Variants in KLHL32 observed in about 807,000 individuals in gnomAD.
The protein encoded by KLHL32 is kelch-like protein 32.
Under a neutral mutation model 64.8 loss-of-function variants are expected in KLHL32, and 35 were observed. The observed-to-expected ratio is 0.54, with a 90% CI of 0.41 to 0.72. The LOEUF (loss-of-function observed/expected upper bound fraction) is 0.72, where lower values mean the gene tolerates loss of function less well. KLHL32 is among the 30% of genes least tolerant of loss of function. The pLI is 0.00. For synonymous variants in KLHL32, 259 were observed against 281.0 expected, an observed-to-expected ratio of 0.92 and a Z score of 0.78; for missense variants, 589 against 768.5, an observed-to-expected ratio of 0.77 and a Z score of 2.76.
chr6:96,954,475 T>C (rs1194389106), intron 1 of KLHL32, among the ~76,000 whole-genome samples: 2 of 152,182 alleles, frequency 1.3e-5, no homozygotes, highest in African/African-American at 4.8e-5. Context: ...GTGATCTGGT[T>C]GAGCCATTTA....
chr6:97,004,517 A>C (rs1779422795), intron 3 of KLHL32, among the ~76,000 whole-genome samples: 1 of 152,058 alleles, frequency 6.6e-6, no homozygotes, highest in Non-Finnish European at 1.5e-5. Flanking sequence ...TGCTGTGTTG[A>C]ATAGGAGTGG....
intron 1 of KLHL32, among the ~76,000 whole-genome samples, chr6:96,950,445 T>C (rs1412109898): frequency 6.6e-6 from 1 of 151,926 alleles, no homozygotes; most frequent in Non-Finnish European, 1.5e-5. Flanking sequence ...ACCTTACATC[T>C]CTTTTTAAAA....
At chr6:96,965,915 A>C (rs945712902) in intron 1 of KLHL32, among the ~76,000 whole-genome samples, 1 of 152,240 alleles carries the variant, frequency 6.6e-6, no homozygotes, top group African/African-American at 2.4e-5. Flanking sequence ...AAAAATGTTC[A>C]AAGCAACTCA....
chr6:97,134,445 A>G (rs1178860599), intron 10 of KLHL32, among the ~76,000 whole-genome samples: 1 of 152,140 alleles, frequency 6.6e-6, no homozygotes, highest in Non-Finnish European at 1.5e-5. Flanking sequence ...TCTTCATCCA[A>G]GCATGTATTT....
chr6:96,940,072 A>C (rs1238902489), intron 1 of KLHL32, among the ~76,000 whole-genome samples: 1 of 152,162 alleles, frequency 6.6e-6, no homozygotes, highest in Non-Finnish European at 1.5e-5. Flanking sequence ...GCAAGTGCGA[A>C]GGTAACATTC....
At chr6:96,909,244 G>A in the KLHL32 span, among the ~76,000 whole-genome samples, 151,450 of 152,306 alleles carry the variant, frequency 0.99, 75,308 homozygotes, top group Middle Eastern at 1. Flanking sequence ...GGAAGTGAGG[G>A]TGGTAGAGAT....
At chr6:97,025,107 A>G in intron 3 of KLHL32, 2 of 985,338 alleles carry the variant, frequency 2.0e-6, no homozygotes, top group Non-Finnish European at 2.4e-6. Flanking sequence ...CAGATGTTTT[A>G]CAAAAGAGGA....
intron 4 of KLHL32, among the ~76,000 whole-genome samples, chr6:97,060,046 G>A (rs1788619303): frequency 6.6e-6 from 1 of 152,160 alleles, no homozygotes; most frequent in Non-Finnish European, 1.5e-5. Flanking sequence ...GTGCACACAT[G>A]GTATGTGTGT....
chr6:96,956,356 A>G (rs1773279302), intron 1 of KLHL32, among the ~76,000 whole-genome samples: 1 of 152,238 alleles, frequency 6.6e-6, no homozygotes, highest in African/African-American at 2.4e-5. Flanking sequence ...AGGTCACATA[A>G]GCACTATTGG....
At chr6:97,093,559 A>G (rs911914147) in intron 6 of KLHL32, among the ~76,000 whole-genome samples, 16 of 152,208 alleles carry the variant, frequency 1.1e-4, no homozygotes, top group African/African-American at 3.9e-4. Context: ...TTACTCTGTA[A>G]TGAGTGAGCC....
In KLHL32 at chr6:96,973,730, C is replaced by CTCTTTTTTTTTTTTTTTTTTTTT. The variant is rs1554208428; in HGVS notation, c.24-2266_24-2265insCTTTTTTTTTTTTTTTTTTTTTT. ...GATTTTTGAGATCTTTACAGATTGC[C>CTCTTTTTTTTTTTTTTTTTTTTT]TTTTTTTTTTTAGACAGAGTCTCGC... On this transcript the variant is annotated intron_variant, in intron 2 of 10. Coordinates refer to ENST00000369261, the MANE Select transcript of KLHL32 (RefSeq NM_052904.4). Among the ~76,000 whole-genome samples, 12 of 118,244 alleles carry CTCTTTTTTTTTTTTTTTTTTTTT rather than the reference C, an allele frequency of 1.0e-4. 1 individual carries two copies. The highest frequency in any genetic ancestry group is 3.9e-4 in the African/African-American group (12 of 30,728). 77.6% of individuals were successfully genotyped at this position (118,244 alleles called of 152,430 possible).
intron 1 of KLHL32, among the ~76,000 whole-genome samples, chr6:96,966,071 C>T (rs1290821854): frequency 6.6e-6 from 1 of 152,124 alleles, no homozygotes; most frequent in African/African-American, 2.4e-5. Flanking sequence ...CTCTTTTATA[C>T]AAATCATCAG....
intron 4 of KLHL32, among the ~76,000 whole-genome samples, chr6:97,061,662 A>G (rs1179710340): frequency 1.3e-5 from 2 of 152,108 alleles, no homozygotes; most frequent in East Asian, 3.9e-4. Context: ...CCTAAATATA[A>G]TGCTTGGCAG....
At chr6:97,132,604 A>G (rs1330208833) in intron 9 of KLHL32, 49 bp from the exon 10 acceptor site, 3 of 1,396,000 alleles carry the variant, frequency 2.1e-6, no homozygotes, top group Non-Finnish European at 2.0e-6. Flanking sequence ...TAATTAAAAT[A>G]TGTAAGAAAT....
chr6:96,947,864 C>T (rs1772106949), intron 1 of KLHL32, among the ~76,000 whole-genome samples: 1 of 152,064 alleles, frequency 6.6e-6, no homozygotes, highest in Non-Finnish European at 1.5e-5. Flanking sequence ...GGATTTAAAC[C>T]TAGGCAGTTT....
At chr6:96,986,337 G>T (rs1164858273) in intron 3 of KLHL32, among the ~76,000 whole-genome samples, 2 of 152,158 alleles carry the variant, frequency 1.3e-5, no homozygotes, top group Non-Finnish European at 2.9e-5. Context: ...ACTTGAGGAG[G>T]CAGTCTGTCC....
At chr6:97,074,838 C>T (rs749104824) in intron 5 of KLHL32, among the ~76,000 whole-genome samples, 34 of 151,120 alleles carry the variant, frequency 2.2e-4, no homozygotes, top group Admixed American at 4.6e-4. Flanking sequence ...ACCCTAGTTG[C>T]TCAGATAAAC....
At chr6:96,987,597 A>G (rs1230052851) in intron 3 of KLHL32, among the ~76,000 whole-genome samples, 3 of 152,210 alleles carry the variant, frequency 2.0e-5, no homozygotes, top group Non-Finnish European at 2.9e-5. Flanking sequence ...AATTGGAAAA[A>G]ACTACTTTAA....
At chr6:97,038,440 G>A (rs1446050249) in intron 3 of KLHL32, among the ~76,000 whole-genome samples, 1 of 152,020 alleles carries the variant, frequency 6.6e-6, no homozygotes, top group Non-Finnish European at 1.5e-5. Flanking sequence ...AGCATCAGAA[G>A]ATGCAAATCA....
Sources: gnomAD v4.1 joint callset for allele counts (sites outside exome capture counted in the v4.1 genomes callset) on GRCh38, gnomAD v4.1.1 for gene constraint, MANE v1.5 for transcripts, NCBI Gene and HGNC (gene_info 2026-07-23, HGNC 2026-07-21) for gene names.